NOSIP: variants seen among roughly 807,000 people sequenced by gnomAD.
NOSIP encodes the protein nitric oxide synthase interacting protein.
A neutral mutation model predicts 36.4 loss-of-function variants in NOSIP; 25 were observed. That is an observed-to-expected ratio of 0.69 (90% CI 0.50 to 0.96). NOSIP has a LOEUF of 0.96. NOSIP is among the 40% of genes least tolerant of loss of function. The pLI is 0.00. For missense variants in NOSIP, 370 were observed against 429.0 expected (o/e 0.86, Z 1.21); for synonymous variants, 187 against 179.2 (o/e 1.04, Z -0.35).
intron 4 of NOSIP, 149 bp downstream of exon 4, chr19:49,558,748 C>T (rs965583034): frequency 1.5e-5 from 11 of 717,822 alleles, no homozygotes; most frequent in African/African-American, 3.5e-5. Flanking sequence ...GGGCTGAAAT[C>T]GGTGAGAAGG....
At position 49,556,181 on chromosome 19, in the gene NOSIP, G is replaced by GGA; in HGVS notation, c.834+135_834+136insTC. 9.3e-6 allele frequency: 4 copies of GGA among 430,560 alleles called. No individual in the cohort carries two copies. In the Admixed American group the frequency reaches 1.2e-4, roughly 12 times the overall value. The allele number at this position is 430,560 out of a possible 1,614,324, so 26.7% of individuals were successfully genotyped here. A position where few individuals can be genotyped will look rare whatever the true frequency, so the allele number is the denominator to read the frequency against. ...CTTGCAGGAGAAAGCGGGGGGGGGG[G>GGA]GCGGCCTTACAGAGCAGAGAAGAAG... On this transcript the variant is annotated intron_variant, in intron 8 of 8. Coordinates refer to ENST00000596358, the MANE Select transcript of NOSIP (RefSeq NM_001270960.2).
chr19:49,569,941 G>A (rs1053976985), intron 1 of NOSIP, among the ~76,000 whole-genome samples: 2 of 151,842 alleles, frequency 1.3e-5, no homozygotes, highest in Non-Finnish European at 2.9e-5. Flanking sequence ...GTAAAACCCT[G>A]TCTCTACCAA....
chr19:49,575,434 A>G (rs1435088527), intron 1 of NOSIP, among the ~76,000 whole-genome samples: 1 of 152,204 alleles, frequency 6.6e-6, no homozygotes, highest in Non-Finnish European at 1.5e-5. Context: ...TGGGGGGGAC[A>G]TTCAGTCTAT....
intron 1 of NOSIP, among the ~76,000 whole-genome samples, chr19:49,578,740 G>A (rs1260587805): frequency 2.0e-5 from 3 of 150,772 alleles, no homozygotes; most frequent in Admixed American, 1.3e-4. Context: ...TCTGCCTCCC[G>A]GGTTCACGCA....
At chr19:49,572,025 T>C (rs1439728606) in intron 1 of NOSIP, among the ~76,000 whole-genome samples, 1 of 151,102 alleles carries the variant, frequency 6.6e-6, no homozygotes, top group African/African-American at 2.4e-5. Flanking sequence ...CCTTTATTTG[T>C]AGCCTTTGAA....
At chr19:49,578,683 G>A (rs1360727096) in intron 1 of NOSIP, among the ~76,000 whole-genome samples, 1 of 149,610 alleles carries the variant, frequency 6.7e-6, no homozygotes, top group African/African-American at 2.5e-5. Flanking sequence ...GTCTCACTCT[G>A]TCGCCCAGGC....
intron 3 of NOSIP, chr19:49,559,658 G>T: frequency 2.1e-6 from 1 of 470,084 alleles, no homozygotes; most frequent in Non-Finnish European, 3.9e-6. Flanking sequence ...GGTAGGTCAT[G>T]GGAAGTGTCC....
Position 49,556,443 on chromosome 19 carries a change from G to C in NOSIP, c.726-18C>G. On this transcript the variant is annotated intron_variant, in intron 7 of 8. Coordinates refer to ENST00000596358, the MANE Select transcript of NOSIP (RefSeq NM_001270960.2). Reference sequence around the variant, plus strand: ...CAGCCCCACTACGGTGAGGCCGAAGGCGGGAGACTCTGATCAGGGGCCTTC... The same window carrying C: ...CAGCCCCACTACGGTGAGGCCGAAGCCGGGAGACTCTGATCAGGGGCCTTC... 1 of 1,611,692 alleles carries C rather than the reference G, an allele frequency of 6.2e-7. No homozygotes were observed. The highest frequency in any genetic ancestry group is 2.2e-5 in the East Asian group (1 of 44,840).
rs184596678 is a variant in NOSIP, at chr19:49,555,602, C to G, written c.*149G>C. 2.8e-5 allele frequency: 18 copies of G among 641,178 alleles called. No individual in the cohort carries two copies. The highest frequency in any genetic ancestry group is 2.2e-4 in the African/African-American group (12 of 54,238). 39.7% of individuals were successfully genotyped at this position (641,178 alleles called of 1,614,324 possible). A position where few individuals can be genotyped will look rare whatever the true frequency, so the allele number is the denominator to read the frequency against. ...GAGACCACATTCAATATGCTTAGCCCGCTCTTTCAAACTCCAGCGTGCGCT... is the reference window on the plus strand; with the variant it reads ...GAGACCACATTCAATATGCTTAGCCGGCTCTTTCAAACTCCAGCGTGCGCT... On this transcript the variant is annotated 3_prime_UTR_variant, in exon 9 of 9. Transcript: ENST00000596358.
rs1323322588 is a variant in NOSIP, at chr19:49,560,694, TAGGG to T, written c.-1-6_-1-3del. On this transcript the variant is annotated splice_polypyrimidine_tract_variant and splice_region_variant and intron_variant, in intron 1 of 8. Transcript: ENST00000596358. The surrounding 1 kb of genome is among the most constrained non-coding windows in gnomAD (Gnocchi z 4.6). ...CAGTTCTTGCCATGCCGCGTCATCC[TAGGG>T]AGGAAGGGACAGTGGCAGGACTGTG... 46 of 1,588,656 alleles carry T rather than the reference TAGGG, an allele frequency of 2.9e-5. No individual in the cohort carries two copies. Among genetic ancestry groups the T allele is most frequent in the Non-Finnish European group, 3.9e-5 (45 of 1,166,772 alleles).
intron 1 of NOSIP, among the ~76,000 whole-genome samples, chr19:49,568,779 T>TAA (rs1555735527): frequency 5.9e-4 from 67 of 113,864 alleles, no homozygotes; most frequent in African/African-American, 2.1e-3. Flanking sequence ...ACCCCATCTC[T>TAA]AAAAAAAAAA....
intron 1 of NOSIP, among the ~76,000 whole-genome samples, chr19:49,573,387 A>C (rs906011494): frequency 1.3e-5 from 2 of 152,036 alleles, no homozygotes; most frequent in Admixed American, 6.6e-5. Context: ...CTTGCACTTG[A>C]CCGTGCCCTG....
At chr19:49,572,353 C>T (rs1382090990) in intron 1 of NOSIP, among the ~76,000 whole-genome samples, 19 of 150,740 alleles carry the variant, frequency 1.3e-4, no homozygotes, top group Admixed American at 9.9e-4. Context: ...GTGATCCACC[C>T]GCCTCAGCCT....
chr19:49,577,813 T>C (rs1599768686), intron 1 of NOSIP, among the ~76,000 whole-genome samples: 2 of 146,722 alleles, frequency 1.4e-5, no homozygotes, highest in African/African-American at 2.5e-5. Flanking sequence ...ACAACATAGG[T>C]GAACCTTGAA....
Position 49,560,591 on chromosome 19 carries a change from T to C in NOSIP, c.70+31A>G, listed in dbSNP as rs1218073209. ...AGAGGGTGACTCCAAGACACAGCCA[T>C]GTCCCGCCTCTTCCCACCCCAGCCC... is the stretch of plus-strand genomic sequence containing the variant. On this transcript the variant is annotated intron_variant, in intron 2 of 8. Coordinates refer to ENST00000596358, the MANE Select transcript of NOSIP (RefSeq NM_001270960.2). The surrounding 1 kb of genome is among the most constrained non-coding windows in gnomAD (Gnocchi z 4.6). The C allele has an allele frequency of 1.3e-6, 2 of 1,538,214 alleles. No homozygotes were observed. The highest frequency in any genetic ancestry group is 2.4e-5 in the East Asian group (1 of 42,082).
At position 49,560,397 on chromosome 19, in the gene NOSIP, C is replaced by T; in HGVS notation, c.70+225G>A. On this transcript the variant is annotated intron_variant, in intron 2 of 8. Coordinates refer to ENST00000596358, the MANE Select transcript of NOSIP (RefSeq NM_001270960.2). The surrounding 1 kb of genome is among the most constrained non-coding windows in gnomAD (Gnocchi z 4.6). ...GGGGTAACAAGAGCACCCTCCCTGA[C>T]ACTCTGTTGGGAGGAGTGAGTTCAT... 1 of 591,210 alleles carries T rather than the reference C, an allele frequency of 1.7e-6. No individual in the cohort carries two copies. Among genetic ancestry groups the T allele is most frequent in the Non-Finnish European group, 3.0e-6 (1 of 330,398 alleles). 36.6% of individuals were successfully genotyped at this position (591,210 alleles called of 1,614,324 possible).
intron 1 of NOSIP, among the ~76,000 whole-genome samples, chr19:49,573,769 G>A (rs889978433): frequency 1.3e-5 from 2 of 151,272 alleles, no homozygotes; most frequent in Middle Eastern, 3.4e-3. Context: ...ACCTCCCCAC[G>A]TTCTGCCCAT....
chr19:49,573,764 C>T (rs2080515800), intron 1 of NOSIP, among the ~76,000 whole-genome samples: 1 of 152,018 alleles, frequency 6.6e-6, no homozygotes, highest in Non-Finnish European at 1.5e-5. Flanking sequence ...TGACAACCTC[C>T]CCACGTTCTG....
In NOSIP at chr19:49,557,129, T is replaced by G; in HGVS notation, c.379A>C (p.Asn127His). The change falls in exon 5 of 9, where the codon AAC (asparagine) becomes CAC (histidine). Residue 127 changes from asparagine to histidine, a missense_variant. Transcript: ENST00000596358. ...KESAIVSRPLNPFTAKALSGT... is the reference protein window; with the variant it reads ...KESAIVSRPLHPFTAKALSGT... ...GAGAGGGCCTTGGCTGTGAAAGGGT[T>G]GAGGGGCCGGCTCACGATAGCCGAC... 1 of 1,612,942 alleles carries G rather than the reference T, an allele frequency of 6.2e-7. No individual in the cohort carries two copies. The highest frequency in any genetic ancestry group is 8.5e-7 in the Non-Finnish European group (1 of 1,179,618).
Sources: allele counts gnomAD v4.1 joint callset (sites outside exome capture counted in the v4.1 genomes callset), GRCh38; gene constraint gnomAD v4.1.1; non-coding constraint Gnocchi (gnomAD v3.1); transcripts MANE v1.5; gene names NCBI Gene and HGNC (gene_info 2026-07-23, HGNC 2026-07-21).